Variants in RAB5A observed in about 807,000 individuals in gnomAD.
RAB5A encodes the protein RAB5A, member RAS oncogene family.
Under a neutral mutation model 25.7 loss-of-function variants are expected in RAB5A, and 8 were observed. The observed-to-expected ratio is 0.31, with a 90% CI of 0.18 to 0.56. The LOEUF is 0.56. Ranked by LOEUF, RAB5A falls within the 20% of genes least tolerant of loss-of-function variation. The pLI, the probability that RAB5A is intolerant of heterozygous loss-of-function variation, is 0.91. For missense variants in RAB5A, 192 were observed against 259.7 expected (o/e 0.74, Z 1.79); for synonymous variants, 98 against 89.8 (o/e 1.09, Z -0.52).
At chr3:19,953,794 G>T (rs1696459788) in intron 2 of RAB5A, among the ~76,000 whole-genome samples, 1 of 152,112 alleles carries the variant, frequency 6.6e-6, no homozygotes, top group Non-Finnish European at 1.5e-5. Context: ...GTACCATTAT[G>T]GTTATAGCTG....
rs576907155 is a variant in RAB5A at position 19,982,699 on chromosome 3, C to T, written c.533-1009C>T. Among the ~76,000 whole-genome samples, 11 of 150,820 alleles carry T rather than the reference C, an allele frequency of 7.3e-5. No individual in the cohort carries two copies. In the South Asian group the frequency reaches 2.3e-3, roughly 31 times the overall value. On this transcript the variant is annotated intron_variant, in intron 5 of 5. Transcript: ENST00000273047. ...CCCCATCTCACTTTGGAACTCAGGA[C>T]TGCAGTAAGCCATGATCATACCACT... is the stretch of plus-strand genomic sequence containing the variant.
intron 2 of RAB5A, among the ~76,000 whole-genome samples, chr3:19,961,476 G>A (rs1295750584): frequency 6.6e-6 from 1 of 152,042 alleles, no homozygotes; most frequent in Non-Finnish European, 1.5e-5. Flanking sequence ...GACAGGTAGG[G>A]GCCTTCTTGC....
chr3:19,961,485 G>C (rs1696584003), intron 2 of RAB5A, among the ~76,000 whole-genome samples: 1 of 152,106 alleles, frequency 6.6e-6, no homozygotes, highest in Non-Finnish European at 1.5e-5. Context: ...GGGCCTTCTT[G>C]CTATGTATCA....
intron 5 of RAB5A, among the ~76,000 whole-genome samples, chr3:19,981,020 G>C (rs1344349951): frequency 6.6e-6 from 1 of 152,192 alleles, no homozygotes; most frequent in South Asian, 2.1e-4. Flanking sequence ...CTGAGTCAAA[G>C]CTATGGTAAA....
intron 1 of RAB5A, 101 bp from the exon 2 acceptor site, chr3:19,950,705 G>C (rs1696409859): frequency 1.9e-6 from 1 of 515,684 alleles, no homozygotes; most frequent in South Asian, 3.5e-5. Context: ...TGAAGGTCTA[G>C]TAGAGTTTAA....
intron 2 of RAB5A, among the ~76,000 whole-genome samples, chr3:19,967,532 C>G (rs1331465637): frequency 6.6e-6 from 1 of 152,166 alleles, no homozygotes; most frequent in Non-Finnish European, 1.5e-5. Context: ...AGTCCCTTAT[C>G]AGATGCTCAT....
chr3:19,962,625 T>G (rs1696603366), intron 2 of RAB5A, among the ~76,000 whole-genome samples: 1 of 152,106 alleles, frequency 6.6e-6, no homozygotes, highest in South Asian at 2.1e-4. Flanking sequence ...AACGTCCGCA[T>G]TTTTCTTGGC....
rs962531845 is a variant in RAB5A at position 19,956,488 on chromosome 3, TAAGTG to T, written c.163+5433_163+5437del. ...GAAATTTAGTGCAATTATTAACTCT[TAAGTG>T]AAGTGCTGTTTCTACTTACATATTT... is the stretch of plus-strand genomic sequence containing the variant. On this transcript the variant is annotated intron_variant, in intron 2 of 5. Transcript: ENST00000273047. Among the ~76,000 whole-genome samples, 21 of 152,320 alleles carry T rather than the reference TAAGTG, an allele frequency of 1.4e-4. No individual in the cohort carries two copies. The East Asian group carries it at 3.1e-3, about 22-fold the overall frequency.
intron 2 of RAB5A, among the ~76,000 whole-genome samples, chr3:19,972,850 G>A (rs1684022696): frequency 6.6e-6 from 1 of 152,100 alleles, no homozygotes; most frequent in African/African-American, 2.4e-5. Flanking sequence ...TAACTGGCTT[G>A]AGAATTGGAT....
intron 5 of RAB5A, among the ~76,000 whole-genome samples, chr3:19,983,272 GTTGCAGTGAAC>G (rs1696965939): frequency 6.8e-6 from 1 of 147,546 alleles, no homozygotes; most frequent in African/African-American, 2.5e-5. Context: ...GGAGGTGGAG[GTTGCAGTGAAC>G]TGAGATCACG....
intron 2 of RAB5A, among the ~76,000 whole-genome samples, chr3:19,962,200 A>G (rs1017107327): frequency 6.6e-6 from 1 of 152,192 alleles, no homozygotes; most frequent in Non-Finnish European, 1.5e-5. Context: ...GCCTGTACAG[A>G]TTCAAGGGAA....
chr3:19,975,917 CATA>C lies in RAB5A; in HGVS notation c.316-126_316-124del. On this transcript the variant is annotated intron_variant, in intron 3 of 5. Transcript: ENST00000273047. ...GTTTTAAAAAAAAACGAAAATGTCT[CATA>C]ATACAATAGTCCTAATAATTTCTTT... The C allele has an allele frequency of 6.6e-6, 9 of 1,366,120 alleles. No individual in the cohort carries two copies. The South Asian group carries it at 1.4e-4, about 21-fold the overall frequency. 84.6% of individuals were successfully genotyped at this position (1,366,120 alleles called of 1,614,324 possible). A position where few individuals can be genotyped will look rare whatever the true frequency, so the allele number is the denominator to read the frequency against.
Position 19,979,269 on chromosome 3 carries a change from C to T in RAB5A, c.532+866C>T, listed in dbSNP as rs374224552. Among the ~76,000 whole-genome samples, 7 of 151,592 alleles carry T rather than the reference C, an allele frequency of 4.6e-5. No individual in the cohort carries two copies. The East Asian group carries it at 1.2e-3, about 25-fold the overall frequency. ...GGATTACAGGCGTGAGCCACTACAC[C>T]CAGCCTAAGGTACTTTCTTTTTTTT... On this transcript the variant is annotated intron_variant, in intron 5 of 5. Coordinates refer to ENST00000273047, the MANE Select transcript of RAB5A (RefSeq NM_004162.5).
At chr3:19,978,434 ATAT>A in intron 5 of RAB5A, 31 bp downstream of exon 5, 2 of 1,478,596 alleles carry the variant, frequency 1.4e-6, no homozygotes, top group East Asian at 4.5e-5. Flanking sequence ...TAAATGATCA[ATAT>A]AAGCAAAACA....
chr3:19,978,142 GT>G (rs1031092564), intron 4 of RAB5A, among the ~76,000 whole-genome samples, 167 bp from the exon 5 acceptor site: 5 of 152,172 alleles, frequency 3.3e-5, no homozygotes, highest in African/African-American at 1.2e-4. Flanking sequence ...ATCTTGCACA[GT>G]GCTCTTACCT....
intron 2 of RAB5A, among the ~76,000 whole-genome samples, chr3:19,965,008 G>A (rs1205407159): frequency 6.6e-6 from 1 of 152,148 alleles, no homozygotes; most frequent in Non-Finnish European, 1.5e-5. Context: ...TCAGCTCACT[G>A]CAACATCTGC....
intron 5 of RAB5A, among the ~76,000 whole-genome samples, chr3:19,983,358 A>AAG (rs1553640231): frequency 6.6e-6 from 1 of 151,682 alleles, no homozygotes; most frequent in Non-Finnish European, 1.5e-5. Flanking sequence ...AAAAAAAAAA[A>AAG]AAAAAGAAGT....
intron 2 of RAB5A, among the ~76,000 whole-genome samples, chr3:19,974,081 A>T (rs1035352254): frequency 6.6e-6 from 1 of 152,196 alleles, no homozygotes; most frequent in Non-Finnish European, 1.5e-5. Context: ...ACAGTGAATG[A>T]TAGAGCAGCA....
chr3:19,969,690 A>G (rs563972532), intron 2 of RAB5A, among the ~76,000 whole-genome samples: 2 of 152,288 alleles, frequency 1.3e-5, no homozygotes, highest in African/African-American at 2.4e-5. Flanking sequence ...TTTCCTGTCA[A>G]TTTTGATAAA....
Sources: gnomAD v4.1 joint callset for allele counts (sites outside exome capture counted in the v4.1 genomes callset) on GRCh38, gnomAD v4.1.1 for gene constraint, MANE v1.5 for transcripts, NCBI Gene and HGNC (gene_info 2026-07-23, HGNC 2026-07-21) for gene names.